Variants in PPP2R3A observed in about 807,000 individuals in gnomAD.
PPP2R3A encodes the protein protein phosphatase 2 regulatory subunit B''alpha.
PPP2R3A carries 80 observed loss-of-function variants against 106.9 expected under a neutral mutation model. That is an observed-to-expected ratio of 0.75 (90% CI 0.62 to 0.90). The LOEUF is 0.90. Ranked by LOEUF, PPP2R3A falls within the 40% of genes least tolerant of loss-of-function variation. The pLI is 0.00. For missense variants in PPP2R3A, 1,386 were observed against 1,350.4 expected (o/e 1.03, Z -0.41); for synonymous variants, 483 against 468.3 (o/e 1.03, Z -0.41).
rs775188846 is a variant in PPP2R3A at position 136,003,065 on chromosome 3, A to G, written c.1567A>G (p.Met523Val). 1.6e-4 allele frequency: 264 copies of G among 1,611,798 alleles called. No individual in the cohort carries two copies. Among genetic ancestry groups the G allele is most frequent in the Non-Finnish European group, 2.1e-4 (246 of 1,179,498 alleles). ...LMDLESFSQK[M>V]ETSLREPLAK... is the part of the protein sequence containing the mutation. ...GGATTTGGAATCTTTTTCACAGAAGATGGAGACCTCTCTAAGAGAGCCACT... is the reference window on the plus strand; with the variant it reads ...GGATTTGGAATCTTTTTCACAGAAGGTGGAGACCTCTCTAAGAGAGCCACT... The change falls in exon 2 of 14, where the codon ATG (methionine) becomes GTG (valine). Residue 523 changes from methionine (M) to valine (V), a missense_variant. Transcript: ENST00000264977.
At chr3:135,967,798 T>C (rs1937130543) in intron 1 of PPP2R3A, among the ~76,000 whole-genome samples, 1 of 152,232 alleles carries the variant, frequency 6.6e-6, no homozygotes, top group African/African-American at 2.4e-5. Flanking sequence ...TTTTGAGTGT[T>C]ATCGTCCTCT....
At position 136,001,544 on chromosome 3, in the gene PPP2R3A, A is replaced by G. The variant is rs1334214873; in HGVS notation, c.46A>G (p.Ser16Gly). 1.2e-6 allele frequency: 2 copies of G among 1,614,196 alleles called. No homozygotes were observed. Among genetic ancestry groups the G allele is most frequent in the Non-Finnish European group, 1.7e-6 (2 of 1,180,016 alleles). The change falls in exon 2 of 14, where the codon AGC (serine) becomes GGC (glycine). Residue 16 changes from serine to glycine, a missense_variant. Transcript: ENST00000264977. Reference protein sequence around the residue: ...RLVVSTVNHYSSVVIDRRFEQ... With the variant: ...RLVVSTVNHYGSVVIDRRFEQ... ...TGTGGTTAGTACTGTGAACCACTAC[A>G]GCAGCGTGGTGATAGACCGGCGTTT...
chr3:136,001,472 G>C lies in PPP2R3A; in HGVS notation c.-27G>C. On this transcript the variant is annotated 5_prime_UTR_variant, in exon 2 of 14. Transcript: ENST00000264977. The stretch of plus-strand genomic sequence containing the variant: ...TGAAACAAGTTCTAGAAAGTTCCAA[G>C]TCCCACCAGTAAGTGGATTTGATAT... 6.3e-7 allele frequency: 1 copy of C among 1,582,384 alleles called. No individual in the cohort carries two copies. Among genetic ancestry groups the C allele is most frequent in the Non-Finnish European group, 8.6e-7 (1 of 1,158,932 alleles).
At position 136,016,947 on chromosome 3, in the gene PPP2R3A, G is replaced by A. The variant is rs544713720; in HGVS notation, c.1996-9885G>A. Among the ~76,000 whole-genome samples, 18 of 152,244 alleles carry A rather than the reference G, an allele frequency of 1.2e-4. No homozygotes were observed. In the South Asian group the frequency reaches 3.7e-3, roughly 32 times the overall value. ...TATGCTTTAAGGAGGTTCTATTTTG[G>A]TGTATTTCGAGGTTTTGTTTCAAGA... On this transcript the variant is annotated intron_variant, in intron 2 of 13. Coordinates refer to ENST00000264977, the MANE Select transcript of PPP2R3A (RefSeq NM_002718.5).
chr3:136,026,613 G>A (rs79605961), intron 2 of PPP2R3A, among the ~76,000 whole-genome samples: 3,941 of 151,996 alleles, frequency 0.026, 190 homozygotes, highest in African/African-American at 0.088. Context: ...TTTTTTAAAC[G>A]TAAATCTATG....
At chr3:136,037,234 T>A (rs1350414940) in intron 3 of PPP2R3A, among the ~76,000 whole-genome samples, 1 of 152,240 alleles carries the variant, frequency 6.6e-6, no homozygotes, top group Non-Finnish European at 1.5e-5. Flanking sequence ...TTTAGCTCAT[T>A]CATCTTAGAC....
intron 13 of PPP2R3A, among the ~76,000 whole-genome samples, chr3:136,131,858 T>C (rs1180650822): frequency 1.3e-5 from 2 of 152,198 alleles, no homozygotes; most frequent in Non-Finnish European, 2.9e-5. Context: ...TCATGTCCTT[T>C]GCAGGGACAT....
intron 2 of PPP2R3A, among the ~76,000 whole-genome samples, chr3:136,009,523 A>G (rs1026876518): frequency 6.6e-6 from 1 of 152,098 alleles, no homozygotes; most frequent in African/African-American, 2.4e-5. Context: ...TCCTCTAATG[A>G]GTCTGTCCTC....
At chr3:136,116,615 T>G (rs1937772512) in intron 13 of PPP2R3A, among the ~76,000 whole-genome samples, 1 of 152,170 alleles carries the variant, frequency 6.6e-6, no homozygotes, top group Non-Finnish European at 1.5e-5. Flanking sequence ...AAACAGACTT[T>G]AAACCAACAA....
In PPP2R3A at chr3:136,108,212, G is replaced by GACACACACACACACACAC. The variant is rs375655120; in HGVS notation, c.3329+1905_3329+1906insCACACACACACACACACA. The stretch of plus-strand genomic sequence containing the variant: ...TGGCCTGCAGAGCTAGCTAGACCCT[G>GACACACACACACACACAC]ACACACACACACACAGCAAGTGTGG... On this transcript the variant is annotated intron_variant, in intron 13 of 13. Transcript: ENST00000264977. Among the ~76,000 whole-genome samples the GACACACACACACACACAC allele has an allele frequency of 1.3e-3, 197 of 151,486 alleles. 1 individual carries two copies. The highest frequency in any genetic ancestry group is 3.8e-3 in the African/African-American group (158 of 41,256).
intron 1 of PPP2R3A, among the ~76,000 whole-genome samples, chr3:135,967,813 CAG>C (rs1408809110): frequency 7.9e-5 from 12 of 152,192 alleles, no homozygotes; most frequent in Non-Finnish European, 1.3e-4. Context: ...TCCTCTGAGT[CAG>C]AGTTTCTCAT....
At chr3:135,994,782 G>A (rs1055540750) in intron 1 of PPP2R3A, among the ~76,000 whole-genome samples, 12 of 152,114 alleles carry the variant, frequency 7.9e-5, no homozygotes, top group Non-Finnish European at 1.3e-4. Context: ...AAACACACCA[G>A]CCTTTTTCTG....
At chr3:136,077,268 CCT>C (rs1936628641) in intron 6 of PPP2R3A, among the ~76,000 whole-genome samples, 1 of 152,092 alleles carries the variant, frequency 6.6e-6, no homozygotes, top group African/African-American at 2.4e-5. Flanking sequence ...CTAGTTTTTC[CCT>C]GTTTAGAACA....
chr3:136,047,550 A>G (rs1935512380), intron 4 of PPP2R3A, among the ~76,000 whole-genome samples: 1 of 152,216 alleles, frequency 6.6e-6, no homozygotes, highest in South Asian at 2.1e-4. Context: ...ACAGAAAACC[A>G]AATACCATAT....
Position 136,002,429 on chromosome 3 carries a change from A to G in PPP2R3A, c.931A>G (p.Ile311Val), listed in dbSNP as rs759897156. ...TGAGGCTCTAGATTTAACAGAACTG[A>G]TCAGTAATATGCCTAGCTTACAACT... ...NNEALDLTEL[I>V]SNMPSLQLTP... The change falls in exon 2 of 14, where the codon ATC (isoleucine) becomes GTC (valine). Residue 311 changes from isoleucine to valine, a missense_variant. Physicochemically the swap from Ile to Val is conservative, Grantham distance 29. Transcript: ENST00000264977. 2.5e-6 allele frequency: 4 copies of G among 1,613,814 alleles called. No homozygotes were observed. The Admixed American group carries it at 5.0e-5, about 20-fold the overall frequency.
In PPP2R3A at chr3:135,969,112, T is replaced by C. The variant is rs115832404; in HGVS notation, c.-441+3263T>C. Among the ~76,000 whole-genome samples, 1,215 of 152,328 alleles carry C rather than the reference T, an allele frequency of 8.0e-3. 6 individuals are homozygous for C. Among genetic ancestry groups the C allele is most frequent in the Non-Finnish European group, 0.014 (926 of 68,036 alleles). Reference sequence around the variant, plus strand: ...AAACACATATATTTACATAAGTATATATTTATGTAATGCGTGTATATGTGT... The same window carrying C: ...AAACACATATATTTACATAAGTATACATTTATGTAATGCGTGTATATGTGT... On this transcript the variant is annotated intron_variant, in intron 1 of 13. Coordinates refer to ENST00000264977, the MANE Select transcript of PPP2R3A (RefSeq NM_002718.5).
chr3:135,999,925 A>G (rs955339753), intron 1 of PPP2R3A, among the ~76,000 whole-genome samples: 3 of 151,766 alleles, frequency 2.0e-5, no homozygotes, highest in African/African-American at 4.8e-5. Context: ...AGGCCATGTC[A>G]TCTCCCACAT....
chr3:136,002,014 A>T lies in PPP2R3A; in HGVS notation c.516A>T (p.Pro172=), dbSNP rs769333836. 1.9e-6 allele frequency: 3 copies of T among 1,614,086 alleles called. No homozygotes were observed. In the South Asian group the frequency reaches 3.3e-5, roughly 18 times the overall value. The change falls in exon 2 of 14, where the codon CCA becomes CCT. Residue 172 remains proline (P), a synonymous_variant. Coordinates refer to ENST00000264977, the MANE Select transcript of PPP2R3A (RefSeq NM_002718.5). The stretch of plus-strand genomic sequence containing the variant: ...ATTATAACAACGATGGGAACGCCCC[A>T]TCCTTTGGTTTACTGCGGAGTTCCT... ...CGHYNNDGNA[P]SFGLLRSSSV...
chr3:136,042,775 GTTAT>G (rs1935331345), intron 4 of PPP2R3A, among the ~76,000 whole-genome samples: 1 of 152,128 alleles, frequency 6.6e-6, no homozygotes, highest in East Asian at 1.9e-4. Flanking sequence ...AAATTAAAGT[GTTAT>G]TTTACAGTCA....
Sources: gnomAD v4.1 joint callset for allele counts (sites outside exome capture counted in the v4.1 genomes callset) on GRCh38, gnomAD v4.1.1 for gene constraint, MANE v1.5 for transcripts, NCBI Gene and HGNC (gene_info 2026-07-23, HGNC 2026-07-21) for gene names.